Variants in AIM2 observed in about 807,000 individuals in gnomAD.
The protein encoded by AIM2 is absent in melanoma 2, also known as interferon-inducible protein AIM2.
Under a neutral mutation model 27.7 loss-of-function variants are expected in AIM2, and 30 were observed. That is an observed-to-expected ratio of 1.08 (90% CI 0.81 to 1.47). The LOEUF (loss-of-function observed/expected upper bound fraction) is 1.47, where lower values mean the gene tolerates loss of function less well. AIM2 is among the 40% of genes most tolerant of loss of function. The probability of loss-of-function intolerance (pLI) is 0.00; values close to 1 mark genes in which losing one functional copy is unlikely to be tolerated. For missense variants in AIM2, 358 were observed against 411.3 expected, an observed-to-expected ratio of 0.87 and a Z score of 1.12; for synonymous variants, 141 against 145.3, an observed-to-expected ratio of 0.97 and a Z score of 0.21.
chr1:159,066,248 T>C lies in AIM2; in HGVS notation c.478A>G (p.Lys160Glu). Reference protein sequence around the residue: ...QKRCLPVMVLKAKKPFTFETQ... With the variant: ...QKRCLPVMVLEAKKPFTFETQ... ...TCAAACGTGAAGGGCTTCTTTGCTT[T>C]CAGTACCATAACTGGCAAACAGCGC... The change falls in exon 4 of 6, where the codon AAA becomes GAA. Residue 160 changes from lysine (K) to glutamate (E), a missense_variant. Transcript: ENST00000368130. 6.2e-7 allele frequency: 1 copy of C among 1,614,214 alleles called. No homozygotes were observed. Among genetic ancestry groups the C allele is most frequent in the Non-Finnish European group, 8.5e-7 (1 of 1,180,042 alleles).
chr1:159,086,696 C>T (rs961884878), intron 1 of AIM2, among the ~76,000 whole-genome samples: 2 of 152,228 alleles, frequency 1.3e-5, no homozygotes, highest in Non-Finnish European at 2.9e-5. Context: ...GGCTTGGGCA[C>T]TACACCCGTG....
chr1:159,076,059 G>C (rs1656595982), intron 1 of AIM2, among the ~76,000 whole-genome samples: 1 of 152,066 alleles, frequency 6.6e-6, no homozygotes, highest in South Asian at 2.1e-4. Context: ...TCAAAATAAG[G>C]AATACATTAA....
chr1:159,099,511 C>CA (rs1657268087), intron 1 of AIM2, among the ~76,000 whole-genome samples: 1 of 152,114 alleles, frequency 6.6e-6, no homozygotes, highest in African/African-American at 2.4e-5. Flanking sequence ...TTTTCCCTCC[C>CA]AAAGACTACT....
chr1:159,136,278 C>G (rs907937883), intron 1 of AIM2, among the ~76,000 whole-genome samples: 3 of 152,158 alleles, frequency 2.0e-5, no homozygotes, highest in Non-Finnish European at 4.4e-5. Context: ...TCCATACAAT[C>G]TGAAGGTTTA....
chr1:159,106,173 G>A (rs762380002), intron 1 of AIM2, among the ~76,000 whole-genome samples: 2 of 152,154 alleles, frequency 1.3e-5, no homozygotes, highest in Non-Finnish European at 2.9e-5. Context: ...GCACAGCAAC[G>A]CTGGGTCCGG....
intron 1 of AIM2, among the ~76,000 whole-genome samples, chr1:159,128,973 C>T (rs955490280): frequency 6.6e-6 from 1 of 152,164 alleles, no homozygotes. Context: ...GTGGATTGAA[C>T]AGTGGACCCC....
intron 1 of AIM2, among the ~76,000 whole-genome samples, chr1:159,085,078 G>C (rs895786786): frequency 6.6e-6 from 1 of 152,022 alleles, no homozygotes; most frequent in Admixed American, 6.6e-5. Flanking sequence ...TATGTACTTC[G>C]CAATTGCTGC....
intron 1 of AIM2, among the ~76,000 whole-genome samples, chr1:159,138,317 C>G (rs570390659): frequency 2.0e-4 from 31 of 152,280 alleles, no homozygotes; most frequent in African/African-American, 7.5e-4. Context: ...AGAGTCTCTG[C>G]TCTTGCTGTT....
At chr1:159,104,556 A>C (rs1557905686) in intron 1 of AIM2, among the ~76,000 whole-genome samples, 2 of 152,356 alleles carry the variant, frequency 1.3e-5, no homozygotes, top group East Asian at 3.9e-4. Context: ...GTAAGATTAA[A>C]ATACACATCA....
chr1:159,056,043 A>G, the AIM2 span, among the ~76,000 whole-genome samples: 3 of 152,298 alleles, frequency 2.0e-5, no homozygotes, highest in South Asian at 6.2e-4. Flanking sequence ...GGGGAAGTCT[A>G]CTACTGTTGC....
At chr1:159,129,063 A>C (rs1178320043) in intron 1 of AIM2, among the ~76,000 whole-genome samples, 1 of 152,194 alleles carries the variant, frequency 6.6e-6, no homozygotes, top group Non-Finnish European at 1.5e-5. Context: ...AGATGTAATT[A>C]ATGTAAGGAT....
At chr1:159,143,576 G>A (rs1321361785), upstream of AIM2, among the ~76,000 whole-genome samples, 1 of 122,322 alleles carries the variant, frequency 8.2e-6, no homozygotes, top group Non-Finnish European at 1.7e-5. Context: ...GCCAGGCTCA[G>A]TGTGTACACA....
At chr1:159,133,910 AT>A (rs1284861158) in intron 1 of AIM2, among the ~76,000 whole-genome samples, 3 of 152,142 alleles carry the variant, frequency 2.0e-5, no homozygotes, top group Non-Finnish European at 4.4e-5. Flanking sequence ...GACTTCCAAA[AT>A]TAAATCAGCA....
At chr1:159,078,038 A>C (rs1656675172), upstream of AIM2, among the ~76,000 whole-genome samples, 1 of 152,202 alleles carries the variant, frequency 6.6e-6, no homozygotes, top group African/African-American at 2.4e-5. Context: ...CCAGGTAATC[A>C]GCCCAGAGCT....
At chr1:159,130,496 T>C (rs1335361535) in intron 1 of AIM2, among the ~76,000 whole-genome samples, 1 of 152,124 alleles carries the variant, frequency 6.6e-6, no homozygotes, top group Non-Finnish European at 1.5e-5. Context: ...ATCCCCTTTC[T>C]CATTAAAAGG....
intron 1 of AIM2, among the ~76,000 whole-genome samples, chr1:159,085,028 C>T (rs770228707): frequency 3.3e-5 from 5 of 152,192 alleles, no homozygotes; most frequent in Non-Finnish European, 5.9e-5. Context: ...GACCTGACTA[C>T]ACTGCAATTG....
chr1:159,065,812 A>C, intron 4 of AIM2, 98 bp downstream of exon 4: 2 of 1,289,410 alleles, frequency 1.6e-6, no homozygotes, highest in South Asian at 3.1e-5. Flanking sequence ...TTTTGTCTAT[A>C]TAGAAAGACA....
chr1:159,112,934 C>CATATATATATATATATATATAT (rs71659252), intron 1 of AIM2, among the ~76,000 whole-genome samples: 26 of 146,538 alleles, frequency 1.8e-4, no homozygotes, highest in African/African-American at 6.1e-4. Context: ...TATATACATA[C>CATATATATATATATATATATAT]ATATATATAT....
chr1:159,076,247 T>C (rs1164128630), intron 1 of AIM2, among the ~76,000 whole-genome samples: 1 of 152,240 alleles, frequency 6.6e-6, no homozygotes, highest in Non-Finnish European at 1.5e-5. Context: ...AATCACATTT[T>C]AATCACATTT....
Sources: allele counts gnomAD v4.1 joint callset (sites outside exome capture counted in the v4.1 genomes callset), GRCh38; gene constraint gnomAD v4.1.1; transcripts MANE v1.5; gene names NCBI Gene and HGNC (gene_info 2026-07-23, HGNC 2026-07-21).